The following FAM184A variants were observed in gnomAD, a reference collection of about 807,000 sequenced individuals.
FAM184A encodes the protein protein FAM184A.
In FAM184A, 99 loss-of-function variants were observed where a neutral mutation model predicts 143.8. The ratio of observed to expected loss-of-function variants is 0.69; its 90% CI spans 0.58 to 0.81. The LOEUF (loss-of-function observed/expected upper bound fraction) is 0.81. Ranked by LOEUF, FAM184A falls within the 40% of genes least tolerant of loss-of-function variation. The pLI is 0.00. For synonymous variants in FAM184A, 427 were observed against 446.4 expected (o/e 0.96, Z 0.55); for missense variants, 1,217 against 1,310.5 (o/e 0.93, Z 1.10).
At chr6:119,133,156 T>C (rs1157608095) in intron 1 of FAM184A, among the ~76,000 whole-genome samples, 1 of 152,214 alleles carries the variant, frequency 6.6e-6, no homozygotes, top group Non-Finnish European at 1.5e-5. Flanking sequence ...GGAGGAACCA[T>C]GTGTTCAGAA....
rs1006523628 is a variant in FAM184A at position 119,071,887 on chromosome 6, A to C, written c.159+6254T>G. 1.6e-3 allele frequency among the ~76,000 whole-genome samples: 165 copies of C among 105,020 alleles called. 1 individual carries two copies. The highest frequency in any genetic ancestry group is 5.7e-3 in the African/African-American group (160 of 28,260). 68.9% of individuals were successfully genotyped at this position (105,020 alleles called of 152,430 possible). A position where few individuals can be genotyped will look rare whatever the true frequency, so the allele number is the denominator to read the frequency against. On this transcript the variant is annotated intron_variant, in intron 1 of 17. Transcript: ENST00000338891. ...TTTTTTTTTTTTTTTTTTTTTTGAG[A>C]TAGAGTCTTGCTCTGTCACTCAGGC...
At chr6:119,068,333 G>A (rs1787543969) in intron 1 of FAM184A, among the ~76,000 whole-genome samples, 1 of 152,134 alleles carries the variant, frequency 6.6e-6, no homozygotes. Flanking sequence ...ACAGGTGTGA[G>A]CCACTGCGCC....
At chr6:119,033,399 C>T (rs999738383) in intron 1 of FAM184A, among the ~76,000 whole-genome samples, 6 of 152,146 alleles carry the variant, frequency 3.9e-5, no homozygotes, top group African/African-American at 1.4e-4. Context: ...GGTGCGGTGG[C>T]TCACGCCTGT....
chr6:119,009,761 T>C (rs1785034242), intron 6 of FAM184A, among the ~76,000 whole-genome samples: 1 of 152,220 alleles, frequency 6.6e-6, no homozygotes, highest in South Asian at 2.1e-4. Context: ...TGTTTTTGTG[T>C]CTGTCTGTCC....
In FAM184A at chr6:119,016,754, A is replaced by T; in HGVS notation, c.1523T>A (p.Leu508Gln). ...HSNAIRDKKK[L>Q]QMDLEEQHNK... is the part of the protein sequence containing the mutation. ...AATTAAATTTTTACTCACCATTTGCAGTTTTTTCTTATCCCTAATTGCATT... is the reference window on the plus strand; with the variant it reads ...AATTAAATTTTTACTCACCATTTGCTGTTTTTTCTTATCCCTAATTGCATT... Residue 508 changes from leucine to glutamine, a missense_variant, in exon 5 of 18, where the codon CTG becomes CAG. Leu to Gln is a moderately radical substitution (Grantham distance 113, BLOSUM62 -2). Transcript: ENST00000338891. 6.2e-7 allele frequency: 1 copy of T among 1,612,588 alleles called. No individual in the cohort carries two copies.
At chr6:118,966,810 T>C (rs1369134272) in intron 15 of FAM184A, 25 bp downstream of exon 15, 6 of 1,195,906 alleles carry the variant, frequency 5.0e-6, no homozygotes, top group Non-Finnish European at 7.3e-6. Flanking sequence ...ACTAACATGG[T>C]TAGACTAAAA....
intron 11 of FAM184A, among the ~76,000 whole-genome samples, chr6:118,978,062 C>G (rs952876727): frequency 2.0e-5 from 3 of 152,126 alleles, no homozygotes; most frequent in Admixed American, 2.0e-4. Context: ...CTTCCAGATT[C>G]AAGCGATTCT....
intron 1 of FAM184A, among the ~76,000 whole-genome samples, chr6:119,085,742 G>A (rs141958342): frequency 2.3e-4 from 35 of 152,266 alleles, no homozygotes; most frequent in African/African-American, 6.0e-4. Context: ...AGGTTTAATC[G>A]GCTCACAGTT....
chr6:119,060,333 T>C (rs1787182229), intron 1 of FAM184A, among the ~76,000 whole-genome samples: 1 of 152,176 alleles, frequency 6.6e-6, no homozygotes. Context: ...TGGTCAATAA[T>C]ATCTTTTTGC....
At chr6:119,073,867 C>T (rs1431549740) in intron 1 of FAM184A, among the ~76,000 whole-genome samples, 2 of 152,226 alleles carry the variant, frequency 1.3e-5, no homozygotes, top group Admixed American at 1.3e-4. Flanking sequence ...AGAATGAGTG[C>T]TCCCTATGTG....
In FAM184A at chr6:119,023,967, T is replaced by C; in HGVS notation, c.1006A>G (p.Asn336Asp). The change falls in exon 2 of 18, where the codon AAT becomes GAT. Residue 336 changes from asparagine (N) to aspartate (D), a missense_variant. Asn to Asp is a conservative substitution (Grantham distance 23). Transcript: ENST00000338891. ...LQTALAIAEN[N>D]VQVLQKQLDD... is the part of the protein sequence containing the mutation. ...TAATATTCTTTACTTACCTGAACAT[T>C]GTTCTCTGCTATGGCAAGTGCCGTC... 1.9e-6 allele frequency: 3 copies of C among 1,573,976 alleles called. No individual in the cohort carries two copies. Among genetic ancestry groups the C allele is most frequent in the South Asian group, 1.2e-5 (1 of 83,598 alleles).
intron 1 of FAM184A, among the ~76,000 whole-genome samples, chr6:119,042,135 G>T (rs1023009956): frequency 6.6e-6 from 1 of 152,128 alleles, no homozygotes; most frequent in Non-Finnish European, 1.5e-5. Context: ...CAGAACTAGG[G>T]GAATATGGTA....
intron 1 of FAM184A, among the ~76,000 whole-genome samples, chr6:119,109,710 C>T (rs951468077): frequency 6.6e-6 from 1 of 152,212 alleles, no homozygotes; most frequent in Non-Finnish European, 1.5e-5. Context: ...GGACTTTCAT[C>T]TTAGAAACTC....
In FAM184A at chr6:118,964,764, T is replaced by C. The variant is rs1030992093; in HGVS notation, c.3041A>G (p.Asn1014Ser). 9 of 1,556,550 alleles carry C rather than the reference T, an allele frequency of 5.8e-6. No individual in the cohort carries two copies. The highest frequency in any genetic ancestry group is 2.3e-5 in the East Asian group (1 of 44,438). The part of the protein sequence containing the change: ...DQIIKKLIED[N>S]KFYQLELVNR... Reference sequence around the variant, plus strand: ...GACTAATTCCAGCTGATAAAACTTATTATCCTCCTATGCAAAAGAATTATA... The same window carrying C: ...GACTAATTCCAGCTGATAAAACTTACTATCCTCCTATGCAAAAGAATTATA... Residue 1014 changes from asparagine (N) to serine (S), a missense_variant, in exon 16 of 18, where the codon AAT becomes AGT. Transcript: ENST00000338891.
At chr6:119,002,124 A>G (rs539294083) in intron 9 of FAM184A, among the ~76,000 whole-genome samples, 1 of 152,284 alleles carries the variant, frequency 6.6e-6, no homozygotes, top group Non-Finnish European at 1.5e-5. Context: ...ATCTTACAAA[A>G]AGTCTATCCT....
At chr6:119,015,402 CG>C (rs1785211519) in intron 5 of FAM184A, among the ~76,000 whole-genome samples, 1 of 152,122 alleles carries the variant, frequency 6.6e-6, no homozygotes, top group South Asian at 2.1e-4. Flanking sequence ...GTGGGCTTGG[CG>C]GGCCCCACAC....
intron 5 of FAM184A, among the ~76,000 whole-genome samples, chr6:119,015,369 G>A (rs58048666): frequency 0.018 from 2,720 of 152,198 alleles, 74 homozygotes; most frequent in African/African-American, 0.062. Flanking sequence ...GCACTTGCGG[G>A]CCAGCTGGAG....
chr6:119,131,663 T>A (rs1031684354), intron 1 of FAM184A, among the ~76,000 whole-genome samples: 44 of 151,752 alleles, frequency 2.9e-4, no homozygotes, highest in African/African-American at 6.8e-4. Flanking sequence ...TTTAAAAAAT[T>A]TTTTTTTTGT....
chr6:119,024,577 A>G lies in FAM184A; in HGVS notation c.396T>C (p.Tyr132=). Reference sequence around the variant, plus strand: ...GTTGCATGTCCTCAACTCTGTGCTTATAAGCTTCAAATTCTGTCAAAGCCT... The same window carrying G: ...GTTGCATGTCCTCAACTCTGTGCTTGTAAGCTTCAAATTCTGTCAAAGCCT... ...KQQALTEFEA[Y]KHRVEDMQLC... The change falls in exon 2 of 18, where the codon TAT becomes TAC. Residue 132 remains tyrosine (Y), a synonymous_variant. Coordinates refer to ENST00000338891, the MANE Select transcript of FAM184A (RefSeq NM_024581.6). 1 of 1,614,180 alleles carries G rather than the reference A, an allele frequency of 6.2e-7. No individual in the cohort carries two copies. Among genetic ancestry groups the G allele is most frequent in the Non-Finnish European group, 8.5e-7 (1 of 1,180,044 alleles).
Sources: allele counts gnomAD v4.1 joint callset (sites outside exome capture counted in the v4.1 genomes callset), GRCh38; gene constraint gnomAD v4.1.1; transcripts MANE v1.5; gene names NCBI Gene and HGNC (gene_info 2026-07-23, HGNC 2026-07-21).